Variants in RDM1 observed in about 807,000 individuals in gnomAD.
The protein encoded by RDM1 is RAD52 motif-containing protein 1.
Under a neutral mutation model 27.7 loss-of-function variants are expected in RDM1, and 28 were observed. The observed-to-expected ratio is 1.01, with a 90% CI of 0.75 to 1.39. RDM1 has a LOEUF of 1.39. Ranked by LOEUF, RDM1 falls within the 40% of genes most tolerant of loss-of-function variation. The pLI, the probability that RDM1 is intolerant of heterozygous loss-of-function variation, is 0.00. For synonymous variants in RDM1, 124 were observed against 127.5 expected (o/e 0.97, Z 0.19); for missense variants, 277 against 337.3 (o/e 0.82, Z 1.40).
intron 5 of RDM1, among the ~76,000 whole-genome samples, chr17:35,921,024 C>A (rs745374323): frequency 6.6e-6 from 1 of 152,018 alleles, no homozygotes; most frequent in Non-Finnish European, 1.5e-5. Flanking sequence ...CCTTTTGAAC[C>A]AAAATTCATT....
intron 6 of RDM1, among the ~76,000 whole-genome samples, chr17:35,919,699 G>C (rs972735820): frequency 6.6e-6 from 1 of 152,202 alleles, no homozygotes; most frequent in African/African-American, 2.4e-5. Flanking sequence ...TGTAGCACAT[G>C]ATTGTAACTG....
intron 6 of RDM1, among the ~76,000 whole-genome samples, chr17:35,919,653 C>G (rs1483100821): frequency 6.6e-6 from 1 of 152,166 alleles, no homozygotes; most frequent in Non-Finnish European, 1.5e-5. Context: ...GAACCACCAT[C>G]ATATATGTGG....
In RDM1 at chr17:35,930,670, A is replaced by T. The variant is rs772110798; in HGVS notation, c.58T>A (p.Trp20Arg). The T allele has an allele frequency of 4.3e-5, 69 of 1,613,700 alleles. No homozygotes were observed. Among genetic ancestry groups the T allele is most frequent in the Middle Eastern group, 3.3e-4 (2 of 6,084 alleles). ...PIESDKTLLVWELSSGPTAEA... is the reference protein window; with the variant it reads ...PIESDKTLLVRELSSGPTAEA... ...GCCGTGGGTCCGGAGCTCAGCTCCCACACTAGCAAGGTTTTGTCACTCTCG... is the reference window on the plus strand; with the variant it reads ...GCCGTGGGTCCGGAGCTCAGCTCCCTCACTAGCAAGGTTTTGTCACTCTCG... The change falls in exon 1 of 7, where the codon TGG (tryptophan) becomes AGG (arginine). Residue 20 changes from tryptophan (W) to arginine (R), a missense_variant. Physicochemically the swap from Trp to Arg is moderately radical, Grantham distance 101. Transcript: ENST00000620284.
chr17:35,925,657 A>C lies in RDM1; in HGVS notation c.277-20T>G. 6.3e-7 allele frequency: 1 copy of C among 1,594,392 alleles called. No individual in the cohort carries two copies. Among genetic ancestry groups the C allele is most frequent in the Non-Finnish European group, 8.6e-7 (1 of 1,168,886 alleles). On this transcript the variant is annotated intron_variant, in intron 2 of 6. Transcript: ENST00000620284. ...ACGAACCTAAAATCATAGGAGATAGACCCATAAATATCACAACCGCTAGAG... is the reference window on the plus strand; with the variant it reads ...ACGAACCTAAAATCATAGGAGATAGCCCCATAAATATCACAACCGCTAGAG...
chr17:35,919,175 TA>T (rs2088848701), intron 6 of RDM1, among the ~76,000 whole-genome samples: 1 of 152,080 alleles, frequency 6.6e-6, no homozygotes, highest in Non-Finnish European at 1.5e-5. Context: ...GGGTGAAAGT[TA>T]AATAAAACAC....
chr17:35,925,047 T>C (rs1416228142), intron 3 of RDM1, among the ~76,000 whole-genome samples: 1 of 152,006 alleles, frequency 6.6e-6, no homozygotes, highest in Non-Finnish European at 1.5e-5. Flanking sequence ...GGCAGGAGAA[T>C]TGCTTGTACC....
Position 35,918,328 on chromosome 17 carries a change from G to A in RDM1, c.*14C>T, listed in dbSNP as rs762736097. 2 of 1,609,176 alleles carry A rather than the reference G, an allele frequency of 1.2e-6. No homozygotes were observed. Among genetic ancestry groups the A allele is most frequent in the Non-Finnish European group, 1.7e-6 (2 of 1,176,642 alleles). On this transcript the variant is annotated 3_prime_UTR_variant, in exon 7 of 7. Transcript: ENST00000620284. ...AGGAAGTTACATGACCTCGCCTTGG[G>A]ATATTCAGAAATGCTAGTCAAGTTC... is the stretch of plus-strand genomic sequence containing the variant.
At chr17:35,921,187 C>T (rs931856460) in intron 5 of RDM1, among the ~76,000 whole-genome samples, 3 of 152,168 alleles carry the variant, frequency 2.0e-5, no homozygotes, top group Non-Finnish European at 4.4e-5. Flanking sequence ...TCAGTGTGTG[C>T]AAGATACCTT....
chr17:35,920,346 C>T, intron 5 of RDM1, 74 bp from the exon 6 acceptor site: 1 of 649,202 alleles, frequency 1.5e-6, no homozygotes, highest in African/African-American at 1.9e-5. Flanking sequence ...TGGTAGCACC[C>T]CATGATGAAA....
chr17:35,922,493 T>C lies in RDM1; in HGVS notation c.667+84A>G, dbSNP rs186395426. 442 of 1,542,944 alleles carry C rather than the reference T, an allele frequency of 2.9e-4. No homozygotes were observed. In the Middle Eastern group the frequency reaches 4.3e-3, roughly 15 times the overall value. ...TACTATAGAGTGCTTTAGATATCAA[T>C]ATTTTTATTCAATTAACTTTTCAAA... On this transcript the variant is annotated intron_variant, in intron 5 of 6. Transcript: ENST00000620284.
intron 6 of RDM1, among the ~76,000 whole-genome samples, chr17:35,919,334 C>A (rs1313061206): frequency 6.6e-6 from 1 of 151,934 alleles, no homozygotes; most frequent in Non-Finnish European, 1.5e-5. Flanking sequence ...TACAGTCATG[C>A]GTTGCTTGCC....
chr17:35,928,491 G>A (rs1247217301), intron 2 of RDM1, among the ~76,000 whole-genome samples: 6 of 152,152 alleles, frequency 3.9e-5, no homozygotes, highest in South Asian at 4.1e-4. Context: ...GGCTGGGCGC[G>A]GTGGCTCACG....
chr17:35,929,730 C>T (rs1275973457), intron 2 of RDM1, among the ~76,000 whole-genome samples: 1 of 152,202 alleles, frequency 6.6e-6, no homozygotes, highest in Non-Finnish European at 1.5e-5. Context: ...GCATGAGCCA[C>T]GGTGCCCAGC....
chr17:35,925,492 G>C (rs1568397878), intron 3 of RDM1, 23 bp downstream of exon 3: 1 of 1,610,458 alleles, frequency 6.2e-7, no homozygotes, highest in Non-Finnish European at 8.5e-7. Context: ...TGTGGTAAGT[G>C]AAAAAAAATC....
intron 6 of RDM1, among the ~76,000 whole-genome samples, chr17:35,918,975 G>T (rs533023160): frequency 6.6e-6 from 1 of 152,194 alleles, no homozygotes; most frequent in Non-Finnish European, 1.5e-5. Flanking sequence ...GGGATTCCAA[G>T]ACTTGCCTCA....
At chr17:35,929,374 C>A (rs2141954609) in intron 2 of RDM1, among the ~76,000 whole-genome samples, 1 of 152,300 alleles carries the variant, frequency 6.6e-6, no homozygotes. Context: ...GATCCTCCCA[C>A]CTCAGTCTCC....
intron 6 of RDM1, among the ~76,000 whole-genome samples, chr17:35,919,497 G>A (rs1009929832): frequency 2.0e-5 from 3 of 152,136 alleles, no homozygotes; most frequent in East Asian, 3.8e-4. Context: ...AACCTGTACT[G>A]TATGTTACTA....
chr17:35,928,777 G>A (rs937527909), intron 2 of RDM1, among the ~76,000 whole-genome samples: 9 of 141,668 alleles, frequency 6.4e-5, no homozygotes, highest in African/African-American at 2.4e-4. Flanking sequence ...AAAAAAAAAA[G>A]TAAATATATA....
chr17:35,924,544 AAAAG>A, intron 4 of RDM1, 56 bp downstream of exon 4: 1 of 1,522,140 alleles, frequency 6.6e-7, no homozygotes, highest in Non-Finnish European at 8.9e-7. Context: ...AAGTAAGAAA[AAAAG>A]AAAGATCCTT....
Sources: allele counts gnomAD v4.1 joint callset (sites outside exome capture counted in the v4.1 genomes callset), GRCh38; gene constraint gnomAD v4.1.1; transcripts MANE v1.5; gene names NCBI Gene and HGNC (gene_info 2026-07-23, HGNC 2026-07-21).